FSTL4: variants seen among roughly 807,000 people sequenced by gnomAD.
The protein encoded by FSTL4 is follistatin like 4.
FSTL4 carries 28 observed loss-of-function variants against 78.2 expected under a neutral mutation model. The observed-to-expected ratio is 0.36, with a 90% CI of 0.27 to 0.49. FSTL4 has a LOEUF of 0.49. Ranked by LOEUF, FSTL4 falls within the 20% of genes least tolerant of loss-of-function variation. The pLI is 0.98. For synonymous variants in FSTL4, 422 were observed against 440.5 expected (o/e 0.96, Z 0.53); for missense variants, 922 against 1,084.9 (o/e 0.85, Z 2.11).
chr5:133,535,494 C>A (rs915464866), intron 3 of FSTL4, among the ~76,000 whole-genome samples: 2 of 152,220 alleles, frequency 1.3e-5, no homozygotes, highest in Non-Finnish European at 2.9e-5. Context: ...TAATTCTGCC[C>A]GTCCCTTCGT....
At chr5:133,324,048 G>A (rs1056633597) in intron 4 of FSTL4, among the ~76,000 whole-genome samples, 2 of 152,194 alleles carry the variant, frequency 1.3e-5, no homozygotes, top group African/African-American at 4.8e-5. Context: ...AAGGGAGATA[G>A]GTAGCAGGTA....
intron 3 of FSTL4, among the ~76,000 whole-genome samples, chr5:133,467,497 C>T (rs1397064814): frequency 6.6e-6 from 1 of 152,150 alleles, no homozygotes; most frequent in Non-Finnish European, 1.5e-5. Flanking sequence ...GATTGTGTTA[C>T]TTGTGTCTTG....
At chr5:133,618,992 A>T in the FSTL4 span, among the ~76,000 whole-genome samples, 1 of 152,186 alleles carries the variant, frequency 6.6e-6, no homozygotes, top group African/African-American at 2.4e-5. Flanking sequence ...TGGATACTCA[A>T]AGTATATTTC....
the FSTL4 span, among the ~76,000 whole-genome samples, chr5:133,817,499 A>G: frequency 1.3e-5 from 2 of 152,342 alleles, no homozygotes; most frequent in East Asian, 3.9e-4. Flanking sequence ...AAGGGCTGGG[A>G]GTCACAAAGG....
chr5:133,740,721 T>C, the FSTL4 span, among the ~76,000 whole-genome samples: 1 of 151,958 alleles, frequency 6.6e-6, no homozygotes, highest in South Asian at 2.1e-4. Context: ...AAAAGCAAGC[T>C]CATGAAATGG....
Position 133,201,918 on chromosome 5 carries a change from A to G in FSTL4, c.1826+15T>C, listed in dbSNP as rs1315189893. 6.7e-7 allele frequency: 1 copy of G among 1,500,544 alleles called. No individual in the cohort carries two copies. Among genetic ancestry groups the G allele is most frequent in the Non-Finnish European group, 9.2e-7 (1 of 1,086,230 alleles). The allele number at this position is 1,500,544 out of a possible 1,614,324, so 93.0% of individuals were successfully genotyped here. A position where few individuals can be genotyped will look rare whatever the true frequency, so the allele number is the denominator to read the frequency against. ...GAGCGGGGAGTGCCTTAGAGGCATC[A>G]TGGGCCAGTCTCACCTGATGTGGTT... On this transcript the variant is annotated intron_variant, in intron 15 of 15. Transcript: ENST00000265342.
At chr5:133,245,186 G>A (rs2126817500) in intron 7 of FSTL4, among the ~76,000 whole-genome samples, 1 of 151,748 alleles carries the variant, frequency 6.6e-6, no homozygotes. Flanking sequence ...CCCATCAGGG[G>A]AGCCTTGGGT....
the FSTL4 span, among the ~76,000 whole-genome samples, chr5:133,817,606 G>A: frequency 3.9e-5 from 6 of 152,260 alleles, no homozygotes; most frequent in East Asian, 3.9e-4. Context: ...CCCCTGCCTC[G>A]GAGACACCCC....
chr5:133,694,883 A>G, the FSTL4 span, among the ~76,000 whole-genome samples: 1 of 152,154 alleles, frequency 6.6e-6, no homozygotes, highest in Non-Finnish European at 1.5e-5. Flanking sequence ...TGTCTCTTTT[A>G]TAAGGGCACT....
At chr5:133,681,930 C>T in the FSTL4 span, among the ~76,000 whole-genome samples, 1 of 152,190 alleles carries the variant, frequency 6.6e-6, no homozygotes, top group South Asian at 2.1e-4. Flanking sequence ...AAGCCACACT[C>T]AGGAAATGAG....
chr5:133,333,936 G>GGGCC (rs1027086300), intron 4 of FSTL4: 1 of 152,296 alleles, frequency 6.6e-6, no homozygotes, highest in African/African-American at 2.4e-5. Context: ...TGAGCCAAGA[G>GGGCC]GGCCCTTCAA....
At chr5:133,766,123 A>G in the FSTL4 span, among the ~76,000 whole-genome samples, 1 of 152,192 alleles carries the variant, frequency 6.6e-6, no homozygotes, top group African/African-American at 2.4e-5. Flanking sequence ...GGAGGGGTGA[A>G]TTACTGCATA....
the FSTL4 span, among the ~76,000 whole-genome samples, chr5:133,749,419 A>G: frequency 0.032 from 4,896 of 152,330 alleles, 104 homozygotes; most frequent in Middle Eastern, 0.051. Context: ...CCCTAGGCAG[A>G]TACAGCCCCA....
chr5:133,349,864 G>A (rs1221261731), intron 4 of FSTL4, among the ~76,000 whole-genome samples: 1 of 145,000 alleles, frequency 6.9e-6, no homozygotes, highest in Admixed American at 6.9e-5. Context: ...GACTTTGTTT[G>A]TCAGGCTGCC....
chr5:133,509,165 C>T (rs1304131138), intron 3 of FSTL4, among the ~76,000 whole-genome samples: 1 of 152,150 alleles, frequency 6.6e-6, no homozygotes, highest in Non-Finnish European at 1.5e-5. Context: ...ACTTTCCCAT[C>T]CCTGTGTTTA....
In FSTL4 at chr5:133,225,694, C is replaced by T. The variant is rs745395031; in HGVS notation, c.1141G>A (p.Val381Ile). The change falls in exon 9 of 16, where the codon GTC becomes ATC. Residue 381 changes from valine (V) to isoleucine (I), a missense_variant. Physicochemically the swap from Val to Ile is conservative, Grantham distance 29. Coordinates refer to ENST00000265342, the MANE Select transcript of FSTL4 (RefSeq NM_015082.2). The surrounding 1 kb of genome is among the most constrained non-coding windows in gnomAD (Gnocchi z 4.6). ...RITWLKNGVDVSTQMSKQLSL... is the reference protein window; with the variant it reads ...RITWLKNGVDISTQMSKQLSL... ...AGCTGTTTGGACATCTGAGTTGAGA[C>T]ATCCACGCCGTTTTTCAGCCAAGTG... 8 of 1,610,638 alleles carry T rather than the reference C, an allele frequency of 5.0e-6. No individual in the cohort carries two copies. Among genetic ancestry groups the T allele is most frequent in the Admixed American group, 1.7e-5 (1 of 59,378 alleles).
At chr5:133,598,999 G>A (rs1015542471) in intron 2 of FSTL4, among the ~76,000 whole-genome samples, 12 of 152,116 alleles carry the variant, frequency 7.9e-5, no homozygotes, top group South Asian at 2.1e-4. Flanking sequence ...AAACACCAAC[G>A]GGCAGATCTC....
chr5:133,535,262 C>A (rs1327358955), intron 3 of FSTL4, among the ~76,000 whole-genome samples: 1 of 152,220 alleles, frequency 6.6e-6, no homozygotes, highest in Non-Finnish European at 1.5e-5. Context: ...CCCCCAAAAT[C>A]TGGCCATAAA....
chr5:133,448,557 G>C (rs548912770), intron 3 of FSTL4, among the ~76,000 whole-genome samples: 1 of 152,324 alleles, frequency 6.6e-6, no homozygotes, highest in Admixed American at 6.5e-5. Context: ...TAACAACAAA[G>C]TGAACGGCAG....
Sources: gnomAD v4.1 joint callset for allele counts (sites outside exome capture counted in the v4.1 genomes callset) on GRCh38, gnomAD v4.1.1 for gene constraint, Gnocchi (gnomAD v3.1) non-coding constraint, MANE v1.5 for transcripts, NCBI Gene and HGNC (gene_info 2026-07-23, HGNC 2026-07-21) for gene names.